Variants in ZNF780A observed in about 807,000 individuals in gnomAD.
The protein encoded by ZNF780A is zinc finger protein 780A.
A neutral mutation model predicts 56.7 loss-of-function variants in ZNF780A; 40 were observed. The ratio of observed to expected loss-of-function variants is 0.71; its 90% CI spans 0.55 to 0.92. ZNF780A has a LOEUF of 0.92. Among genes scored for constraint, ZNF780A ranks in the 40% least tolerant of loss-of-function variants. ZNF780A has a pLI of 0.00. For missense variants in ZNF780A, 672 were observed against 783.3 expected (o/e 0.86, Z 1.70); for synonymous variants, 231 against 248.3 (o/e 0.93, Z 0.66).
At position 40,074,266 on chromosome 19, in the gene ZNF780A, C is replaced by T; in HGVS notation, c.*250G>A. On this transcript the variant is annotated 3_prime_UTR_variant, in exon 6 of 6. Coordinates refer to ENST00000683561, the MANE Select transcript of ZNF780A (RefSeq NM_001142578.2). ...AAGGCCTTTCCACATTCTTTACATT[C>T]AAAGGGTTTTTTACCAGTGTGAATT... The T allele has an allele frequency of 6.8e-7, 1 of 1,473,762 alleles. No individual in the cohort carries two copies. The highest frequency in any genetic ancestry group is 9.0e-7 in the Non-Finnish European group (1 of 1,111,692). 91.3% of individuals were successfully genotyped at this position (1,473,762 alleles called of 1,614,324 possible). A position where few individuals can be genotyped will look rare whatever the true frequency, so the allele number is the denominator to read the frequency against.
intron 5 of ZNF780A, among the ~76,000 whole-genome samples, chr19:40,078,982 GC>G (rs773739871): frequency 2.0e-5 from 3 of 152,082 alleles, no homozygotes; most frequent in Non-Finnish European, 4.4e-5. Context: ...ACAAGAATAA[GC>G]CCTCACATAT....
intron 5 of ZNF780A, 50 bp from the exon 6 acceptor site, chr19:40,076,259 T>C (rs759389083): frequency 9.4e-6 from 14 of 1,493,598 alleles, no homozygotes; most frequent in South Asian, 1.4e-5. Flanking sequence ...ATAACACACA[T>C]GCATACAAAG....
In ZNF780A at chr19:40,073,664, C is replaced by T. The variant is rs144971132; in HGVS notation, c.*852G>A. The T allele has an allele frequency of 5.1e-5, 50 of 986,038 alleles. No individual in the cohort carries two copies. In the East Asian group the frequency reaches 3.3e-3, roughly 65 times the overall value. The allele number at this position is 986,038 out of a possible 1,614,324, so 61.1% of individuals were successfully genotyped here. On this transcript the variant is annotated 3_prime_UTR_variant, in exon 6 of 6. Transcript: ENST00000683561. ...TATTTAGTGTGGCTATAAAACGCCC[C>T]ACATTCCTTACACTCAAAGATTTCT... is the stretch of plus-strand genomic sequence containing the variant.
At chr19:40,086,127 C>T (rs1293596542) in intron 2 of ZNF780A, among the ~76,000 whole-genome samples, 1 of 151,856 alleles carries the variant, frequency 6.6e-6, no homozygotes, top group Non-Finnish European at 1.5e-5. Context: ...TCCCTTTGAA[C>T]TTGGGGTGGG....
intron 2 of ZNF780A, among the ~76,000 whole-genome samples, chr19:40,085,937 C>A (rs1240932506): frequency 1.3e-5 from 2 of 151,138 alleles, no homozygotes; most frequent in Non-Finnish European, 2.9e-5. Flanking sequence ...TATATTCACA[C>A]ACACACACAC....
intron 3 of ZNF780A, 148 bp downstream of exon 3, chr19:40,084,597 T>C: frequency 2.6e-6 from 2 of 762,572 alleles, no homozygotes; most frequent in Non-Finnish European, 4.1e-6. Flanking sequence ...AGTGACTTTT[T>C]TTTTTTTTGT....
intron 2 of ZNF780A, among the ~76,000 whole-genome samples, chr19:40,087,407 T>G (rs972833248): frequency 2.0e-5 from 3 of 152,164 alleles, no homozygotes; most frequent in African/African-American, 7.2e-5. Flanking sequence ...TTTCTAAACA[T>G]CACCCCAGCT....
At chr19:40,072,720 C>T, downstream of ZNF780A, 2 of 1,211,786 alleles carry the variant, frequency 1.7e-6, no homozygotes, top group Non-Finnish European at 2.1e-6. Context: ...CTCTCTAACT[C>T]TGGTTGGTAT....
At chr19:40,072,440 G>A (rs966215064), downstream of ZNF780A, 9 of 154,418 alleles carry the variant, frequency 5.8e-5, no homozygotes, top group Admixed American at 5.2e-4. Context: ...GCTCACACCC[G>A]ACCCATCAGG....
At position 40,073,702 on chromosome 19, in the gene ZNF780A, T is replaced by C. The variant is rs1973923256; in HGVS notation, c.*814A>G. The C allele has an allele frequency of 1.0e-6, 1 of 985,976 alleles. No individual in the cohort carries two copies. The highest frequency in any genetic ancestry group is 1.1e-4 in the East Asian group (1 of 8,824). The allele number at this position is 985,976 out of a possible 1,614,324, so 61.1% of individuals were successfully genotyped here. ...CTCAAAGATTTCTCAGAAGTATGAA[T>C]ACTCAGAAGTTGAGCAAATCCCAGG... On this transcript the variant is annotated 3_prime_UTR_variant, in exon 6 of 6. Transcript: ENST00000683561.
chr19:40,072,668 A>C (rs12165115), downstream of ZNF780A: 4 of 1,007,360 alleles, frequency 4.0e-6, no homozygotes, highest in African/African-American at 3.4e-5. Flanking sequence ...AAAAAAAAAA[A>C]AAGAAGAATG....
At chr19:40,082,803 T>C (rs1974554293) in intron 4 of ZNF780A, among the ~76,000 whole-genome samples, 1 of 152,158 alleles carries the variant, frequency 6.6e-6, no homozygotes, top group Non-Finnish European at 1.5e-5. Flanking sequence ...TCAAACATAA[T>C]ATGAAATCTG....
chr19:40,086,242 T>C (rs915341341), intron 2 of ZNF780A, among the ~76,000 whole-genome samples: 4 of 151,414 alleles, frequency 2.6e-5, no homozygotes, highest in Non-Finnish European at 4.4e-5. Context: ...TCTATGTATG[T>C]TGGAGCAATC....
In ZNF780A at chr19:40,083,251, C is replaced by T. The variant is rs1014837483; in HGVS notation, c.10-14G>A. The T allele has an allele frequency of 1.9e-6, 3 of 1,613,786 alleles. No homozygotes were observed. Among genetic ancestry groups the T allele is most frequent in the Non-Finnish European group, 2.5e-6 (3 of 1,179,956 alleles). ...TGTCACTGATCCCTGAAACCACAAA[C>T]ACATGTATAATGGTGAAACTGAAGA... On this transcript the variant is annotated splice_polypyrimidine_tract_variant and intron_variant, in intron 3 of 5. Transcript: ENST00000683561.
chr19:40,077,852 C>A (rs1385958177), intron 5 of ZNF780A, among the ~76,000 whole-genome samples: 9 of 128,336 alleles, frequency 7.0e-5, no homozygotes, highest in Admixed American at 4.6e-4. Context: ...AAAGCAAATT[C>A]AAAAAAATGA....
At chr19:40,076,545 T>TTAGA (rs1974144771) in intron 5 of ZNF780A, among the ~76,000 whole-genome samples, 2 of 152,204 alleles carry the variant, frequency 1.3e-5, no homozygotes, top group Admixed American at 6.5e-5. Context: ...TAGTCAGTAA[T>TTAGA]TAGAATGTCC....
intron 5 of ZNF780A, among the ~76,000 whole-genome samples, chr19:40,081,284 G>C (rs1974458333): frequency 6.6e-6 from 1 of 151,888 alleles, no homozygotes; most frequent in Non-Finnish European, 1.5e-5. Context: ...TGTAATCCCA[G>C]GGCTTTGGGA....
In ZNF780A at chr19:40,074,711, T is replaced by C. The variant is rs779961382; in HGVS notation, c.1731A>G (p.Lys577=). Residue 577 remains lysine (K), a synonymous_variant, in exon 6 of 6, where the codon AAA becomes AAG. Transcript: ENST00000683561. Reference sequence around the variant, plus strand: ...CAAAGGGTTTCTCACCAGTATGCAATTTCTGATGTCGAATAAGGTGCATAT... The same window carrying C: ...CAAAGGGTTTCTCACCAGTATGCAACTTCTGATGTCGAATAAGGTGCATAT... ...RLHMHLIRHQ[K]LHTGEKPFEC... 1.9e-6 allele frequency: 3 copies of C among 1,611,458 alleles called. No homozygotes were observed. Among genetic ancestry groups the C allele is most frequent in the African/African-American group, 1.3e-5 (1 of 74,148 alleles).
Position 40,073,453 on chromosome 19 carries a change from G to T in ZNF780A, c.*1063C>A. ...TTGGGAAAATGGACCTGATCGTCTTGCTCACCACAGGGTTGCCACAAACCT... is the reference window on the plus strand; with the variant it reads ...TTGGGAAAATGGACCTGATCGTCTTTCTCACCACAGGGTTGCCACAAACCT... On this transcript the variant is annotated 3_prime_UTR_variant, in exon 6 of 6. Transcript: ENST00000683561. The T allele has an allele frequency of 1.1e-6, 1 of 895,682 alleles. No homozygotes were observed. Among genetic ancestry groups the T allele is most frequent in the Non-Finnish European group, 1.3e-6 (1 of 748,738 alleles). The allele number at this position is 895,682 out of a possible 1,614,324, so 55.5% of individuals were successfully genotyped here.
Sources: gnomAD v4.1 joint callset for allele counts (sites outside exome capture counted in the v4.1 genomes callset) on GRCh38, gnomAD v4.1.1 for gene constraint, MANE v1.5 for transcripts, NCBI Gene and HGNC (gene_info 2026-07-23, HGNC 2026-07-21) for gene names.